The following TPST1 variants were observed in gnomAD, a reference collection of about 807,000 sequenced individuals.
TPST1 encodes the protein tyrosylprotein sulfotransferase 1, also known as protein-tyrosine sulfotransferase 1.
TPST1 carries 20 observed loss-of-function variants against 34.8 expected under a neutral mutation model. The ratio of observed to expected loss-of-function variants is 0.57; its 90% CI spans 0.40 to 0.84. The LOEUF is 0.84. TPST1 is among the 40% of genes least tolerant of loss of function. The pLI is 0.00. For missense variants in TPST1, 353 were observed against 455.5 expected, an observed-to-expected ratio of 0.78 and a Z score of 2.05; for synonymous variants, 152 against 159.4, an observed-to-expected ratio of 0.95 and a Z score of 0.35.
intron 2 of TPST1, among the ~76,000 whole-genome samples, chr7:66,268,426 G>C (rs1453678853): frequency 6.6e-6 from 1 of 152,134 alleles, no homozygotes; most frequent in Non-Finnish European, 1.5e-5. Context: ...GTCTTACTCA[G>C]TGGCAAAGAA....
chr7:66,278,333 A>G (rs544806225), intron 2 of TPST1, among the ~76,000 whole-genome samples: 1 of 151,972 alleles, frequency 6.6e-6, no homozygotes, highest in South Asian at 2.1e-4. Context: ...CTTTTAACTG[A>G]GATTAGAAGG....
chr7:66,200,403 T>TA (rs1471147691), upstream of TPST1, among the ~76,000 whole-genome samples: 2 of 151,430 alleles, frequency 1.3e-5, no homozygotes, highest in East Asian at 3.9e-4. Context: ...AAGCCATCTA[T>TA]ACACAGGTGA....
intron 2 of TPST1, among the ~76,000 whole-genome samples, chr7:66,254,919 G>A (rs912120963): frequency 2.6e-5 from 4 of 151,804 alleles, no homozygotes; most frequent in African/African-American, 7.3e-5. Context: ...AGGCCAAGGC[G>A]GGTGGATCAC....
intron 1 of TPST1, among the ~76,000 whole-genome samples, chr7:66,212,545 C>T (rs1472167325): frequency 2.0e-5 from 3 of 151,188 alleles, no homozygotes; most frequent in African/African-American, 4.9e-5. Flanking sequence ...CTGCAACCTT[C>T]GTTTCCCGGG....
intron 1 of TPST1, among the ~76,000 whole-genome samples, chr7:66,237,784 G>T (rs1008726603): frequency 3.9e-5 from 6 of 152,106 alleles, no homozygotes; most frequent in African/African-American, 1.2e-4. Context: ...TGCGATTGTG[G>T]GGCTTTCAAG....
intron 1 of TPST1, among the ~76,000 whole-genome samples, chr7:66,213,743 CAAA>C (rs749299136): frequency 8.3e-5 from 8 of 96,526 alleles, no homozygotes; most frequent in Admixed American, 1.1e-4. Context: ...GACTCCATCT[CAAA>C]AAAAAAAAAA....
chr7:66,240,949 C>T lies in TPST1; in HGVS notation c.524C>T (p.Pro175Leu), dbSNP rs143527303. Residue 175 changes from proline to leucine, a missense_variant, in exon 2 of 6, where the codon CCC becomes CTC. Transcript: ENST00000304842. ...TTAACTTACCTTTCTAGGTTATTCC[C>T]CAATGCCAAATTTCTCCTGATGGTC... is the stretch of plus-strand genomic sequence containing the variant. Reference protein sequence around the residue: ...KSLTYLSRLFPNAKFLLMVRD... With the variant: ...KSLTYLSRLFLNAKFLLMVRD... 1,632 of 1,614,178 alleles carry T rather than the reference C, an allele frequency of 1.0e-3. 3 individuals carry two copies. The highest frequency in any genetic ancestry group is 1.2e-3 in the Non-Finnish European group (1,439 of 1,180,036).
chr7:66,209,020 C>T (rs983422780), intron 1 of TPST1, among the ~76,000 whole-genome samples: 6 of 151,984 alleles, frequency 3.9e-5, no homozygotes, highest in Non-Finnish European at 7.4e-5. Flanking sequence ...CGGTGGCTCA[C>T]GCCTGTAATC....
At chr7:66,233,402 C>A (rs144724749) in intron 1 of TPST1, among the ~76,000 whole-genome samples, 63 of 152,276 alleles carry the variant, frequency 4.1e-4, no homozygotes, top group Non-Finnish European at 6.8e-4. Flanking sequence ...AGGTATCCAA[C>A]TTCATTCTTT....
At chr7:66,328,908 T>A (rs868246255) in intron 3 of TPST1, among the ~76,000 whole-genome samples, 698 of 43,656 alleles carry the variant, frequency 0.016, no homozygotes, top group East Asian at 0.025. Flanking sequence ...ATATATATAT[T>A]TTTTTTTTTT....
chr7:66,244,205 G>A (rs1366107352), intron 2 of TPST1, among the ~76,000 whole-genome samples: 1 of 151,510 alleles, frequency 6.6e-6, no homozygotes, highest in Non-Finnish European at 1.5e-5. Flanking sequence ...TGCCTGCCTC[G>A]GCCTCCCAAA....
chr7:66,278,035 C>G (rs983682606), intron 2 of TPST1, among the ~76,000 whole-genome samples: 5 of 126,182 alleles, frequency 4.0e-5, no homozygotes, highest in African/African-American at 1.5e-4. Context: ...ATGAGGTGGA[C>G]GTTGCAGTGT....
At chr7:66,214,908 AAT>A (rs1312327164) in intron 1 of TPST1, among the ~76,000 whole-genome samples, 1 of 147,462 alleles carries the variant, frequency 6.8e-6, no homozygotes, top group African/African-American at 2.5e-5. Flanking sequence ...TATTGGTTAA[AAT>A]ATATATTTTT....
At chr7:66,245,199 A>G (rs1790122229) in intron 2 of TPST1, among the ~76,000 whole-genome samples, 1 of 152,240 alleles carries the variant, frequency 6.6e-6, no homozygotes, top group South Asian at 2.1e-4. Flanking sequence ...CTGCTAAGGC[A>G]TGAGGCAGTG....
intron 3 of TPST1, among the ~76,000 whole-genome samples, chr7:66,298,631 T>C (rs55748098): frequency 0.59 from 90,353 of 152,022 alleles, 27,201 homozygotes; most frequent in African/African-American, 0.68. Context: ...AAAACTACCA[T>C]CTTGCTATTT....
At chr7:66,336,350 G>A (rs1781384197) in intron 3 of TPST1, among the ~76,000 whole-genome samples, 1 of 151,472 alleles carries the variant, frequency 6.6e-6, no homozygotes, top group African/African-American at 2.4e-5. Context: ...AGAAAATAGA[G>A]ATAGAAAATT....
chr7:66,311,510 C>T (rs1477533002), intron 3 of TPST1, among the ~76,000 whole-genome samples: 1 of 152,146 alleles, frequency 6.6e-6, no homozygotes, highest in East Asian at 1.9e-4. Context: ...TAAGGAAGTT[C>T]AAAGTAGCAC....
At chr7:66,326,414 G>A (rs62468696) in intron 3 of TPST1, among the ~76,000 whole-genome samples, 7,015 of 152,212 alleles carry the variant, frequency 0.046, 300 homozygotes, top group East Asian at 0.13. Context: ...AGGGGAAAAG[G>A]ACTCCAGTGA....
chr7:66,273,119 G>A (rs935567332), intron 2 of TPST1, among the ~76,000 whole-genome samples: 1 of 152,072 alleles, frequency 6.6e-6, no homozygotes, highest in Non-Finnish European at 1.5e-5. Flanking sequence ...AAAATCAGTA[G>A]TGTTTCTATA....
Sources: gnomAD v4.1 joint callset for allele counts (sites outside exome capture counted in the v4.1 genomes callset) on GRCh38, gnomAD v4.1.1 for gene constraint, MANE v1.5 for transcripts, NCBI Gene and HGNC (gene_info 2026-07-23, HGNC 2026-07-21) for gene names.